Variants in EDNRB observed in about 807,000 individuals in gnomAD.
EDNRB encodes endothelin receptor type B.
EDNRB carries 18 observed loss-of-function variants against 46.4 expected under a neutral mutation model. The observed-to-expected ratio is 0.39, with a 90% confidence interval of 0.27 to 0.57. EDNRB has a LOEUF of 0.57. EDNRB is among the 20% of genes least tolerant of loss of function. EDNRB has a pLI of 0.61. For missense variants in EDNRB, 434 were observed against 537.5 expected (o/e 0.81, Z 1.90); for synonymous variants, 213 against 204.9 (o/e 1.04, Z -0.34).
intron 1 of EDNRB, among the ~76,000 whole-genome samples, chr13:77,949,014 C>T (rs1479761607): frequency 1.3e-5 from 2 of 152,192 alleles, no homozygotes; most frequent in Non-Finnish European, 2.9e-5. Flanking sequence ...ATAATGTCTA[C>T]ACATCTCAAA....
intron 1 of EDNRB, among the ~76,000 whole-genome samples, chr13:77,912,336 A>G (rs1334305746): frequency 6.6e-6 from 1 of 152,070 alleles, no homozygotes; most frequent in Non-Finnish European, 1.5e-5. Flanking sequence ...GGAACCTTGC[A>G]TTGCCCAAGG....
intron 1 of EDNRB, among the ~76,000 whole-genome samples, chr13:77,953,265 C>T (rs1881143863): frequency 6.6e-6 from 1 of 151,938 alleles, no homozygotes; most frequent in Non-Finnish European, 1.5e-5. Flanking sequence ...GAGTAACTGA[C>T]ATTATTAAGT....
chr13:77,970,747 T>C (rs1036187568), intron 1 of EDNRB, among the ~76,000 whole-genome samples: 3 of 149,766 alleles, frequency 2.0e-5, no homozygotes, highest in South Asian at 2.1e-4. Flanking sequence ...ACATACCTTA[T>C]ATAGAATAAA....
upstream of EDNRB, among the ~76,000 whole-genome samples, chr13:77,920,199 G>A (rs1199927857): frequency 6.6e-6 from 1 of 152,126 alleles, no homozygotes; most frequent in Non-Finnish European, 1.5e-5. Context: ...GCTTATCGGA[G>A]ACATGAAAAT....
At chr13:77,965,203 C>G (rs949457129) in intron 1 of EDNRB, among the ~76,000 whole-genome samples, 4 of 152,134 alleles carry the variant, frequency 2.6e-5, no homozygotes, top group African/African-American at 9.7e-5. Context: ...TACACAAACC[C>G]AAATCATTGC....
rs5349 is a variant in EDNRB, at chr13:77,903,530, G to A, written c.561C>T (p.Ile187=). Residue 187 remains isoleucine, a synonymous_variant, in exon 2 of 7, where the codon ATC becomes ATT. Coordinates refer to ENST00000646607, the MANE Select transcript of EDNRB (RefSeq NM_001122659.3). The stretch of plus-strand genomic sequence containing the variant: ...TCAGAGCACATAGACTCAGCACAGT[G>A]ATTCCCACAGAGGCTTTCTGTATGA... ...VPFIQKASVG[I]TVLSLCALSI... is the part of the protein sequence containing the mutation. 7,546 of 1,612,902 alleles carry A rather than the reference G, an allele frequency of 4.7e-3. 64 individuals are homozygous for A. Among genetic ancestry groups the A allele is most frequent in the African/African-American group, 0.03 (2,225 of 74,922 alleles).
chr13:77,929,971 A>G lies in EDNRB; in HGVS notation c.-51-11347T>C, dbSNP rs148698441. On this transcript the variant is annotated intron_variant, in intron 1 of 7. Transcript: ENST00000646948. Reference sequence around the variant, plus strand: ...TATATGTTCTGGTTTCTGGAAGATAATAAGAAGAGAACACCATCAGACCTC... The same window carrying G: ...TATATGTTCTGGTTTCTGGAAGATAGTAAGAAGAGAACACCATCAGACCTC... Among the ~76,000 whole-genome samples, 1,018 of 152,284 alleles carry G rather than the reference A, an allele frequency of 6.7e-3. 8 individuals carry two copies. Among genetic ancestry groups the G allele is most frequent in the African/African-American group, 0.024 (979 of 41,534 alleles).
chr13:77,921,731 G>T (rs1005126821), upstream of EDNRB, among the ~76,000 whole-genome samples: 1 of 152,152 alleles, frequency 6.6e-6, no homozygotes, highest in Non-Finnish European at 1.5e-5. Context: ...GTAAAGAATT[G>T]TTCATTGATC....
intron 1 of EDNRB, among the ~76,000 whole-genome samples, chr13:77,970,588 T>TTTA (rs1317346981): frequency 1.3e-5 from 2 of 152,014 alleles, no homozygotes; most frequent in Non-Finnish European, 2.9e-5. Context: ...TATTATCTTT[T>TTTA]TTATTATTAT....
chr13:77,898,535 GA>G (rs1041050475), intron 6 of EDNRB, among the ~76,000 whole-genome samples: 1 of 151,632 alleles, frequency 6.6e-6, no homozygotes, highest in Non-Finnish European at 1.5e-5. Flanking sequence ...ATGCAGAGAA[GA>G]AAAAAACCTA....
rs532450832 is a variant in EDNRB at position 77,959,674 on chromosome 13, G to T, written c.-52+15673C>A. 2.0e-5 allele frequency among the ~76,000 whole-genome samples: 3 copies of T among 152,342 alleles called. No homozygotes were observed. In the South Asian group the frequency reaches 6.2e-4, roughly 32 times the overall value. On this transcript the variant is annotated intron_variant, in intron 1 of 7. Coordinates refer to the EDNRB transcript ENST00000646948. ...GGAACTCAGCTCTTCGCCAGCAATG[G>T]AACAAAGCTGGATGGAGAATAACTT...
chr13:77,953,335 A>G (rs1172793447), intron 1 of EDNRB, among the ~76,000 whole-genome samples: 1 of 151,788 alleles, frequency 6.6e-6, no homozygotes, highest in Non-Finnish European at 1.5e-5. Flanking sequence ...TTACATATGT[A>G]TACTGTATTT....
At chr13:77,940,712 TG>T (rs1880721113) in intron 1 of EDNRB, among the ~76,000 whole-genome samples, 1 of 26,014 alleles carries the variant, frequency 3.8e-5, no homozygotes, top group African/African-American at 8.3e-5. Context: ...TGTGTGTGTG[TG>T]TGTGTGTGTG....
In EDNRB at chr13:77,896,606, A is replaced by G. The variant is rs1032620417; in HGVS notation, c.*1594T>C. The G allele has an allele frequency of 6.5e-7, 1 of 1,540,100 alleles. No individual in the cohort carries two copies. The highest frequency in any genetic ancestry group is 8.8e-7 in the Non-Finnish European group (1 of 1,142,708). Reference sequence around the variant, plus strand: ...AAAATTTGGGCATATTTTAAGACCGAGTTAAAGCTCTTGGGCCCAATTTAT... The same window carrying G: ...AAAATTTGGGCATATTTTAAGACCGGGTTAAAGCTCTTGGGCCCAATTTAT... On this transcript the variant is annotated 3_prime_UTR_variant, in exon 7 of 7. Coordinates refer to ENST00000646607, the MANE Select transcript of EDNRB (RefSeq NM_001122659.3).
upstream of EDNRB, among the ~76,000 whole-genome samples, chr13:77,920,573 T>G (rs180691273): frequency 3.2e-4 from 48 of 152,346 alleles, no homozygotes; most frequent in Admixed American, 1.2e-3. Flanking sequence ...AGGCAATGCT[T>G]TCTGGGACAG....
Position 77,896,243 on chromosome 13 carries a change from T to G in EDNRB, c.*1957A>C. ...TATCAGGATGTAAAAATTCAGTACA[T>G]GGTAATAAAAATAATCTAAAATTTA... On this transcript the variant is annotated 3_prime_UTR_variant, in exon 7 of 7. Transcript: ENST00000646607. 2.9e-6 allele frequency: 1 copy of G among 342,104 alleles called. No homozygotes were observed. Among genetic ancestry groups the G allele is most frequent in the Non-Finnish European group, 4.6e-6 (1 of 215,290 alleles). The allele number at this position is 342,104 out of a possible 1,614,324, so 21.2% of individuals were successfully genotyped here.
chr13:77,960,071 C>G (rs1427437202), intron 1 of EDNRB, among the ~76,000 whole-genome samples: 1 of 152,134 alleles, frequency 6.6e-6, no homozygotes, highest in Non-Finnish European at 1.5e-5. Context: ...ATTGGTGTAC[C>G]TGAAAGTGAT....
rs190573481 is a variant in EDNRB, at chr13:77,931,483, T to C, written c.-51-12859A>G. ...GAATTACCTGATCCAAGCTTTCCTC[T>C]CAAGGACCTTCTCTGAGGTGGTTTT... On this transcript the variant is annotated intron_variant, in intron 1 of 7. Coordinates refer to the EDNRB transcript ENST00000646948. 2.0e-5 allele frequency among the ~76,000 whole-genome samples: 3 copies of C among 152,298 alleles called. No individual in the cohort carries two copies. The East Asian group carries it at 5.8e-4, about 29-fold the overall frequency.
chr13:77,911,655 A>C (rs1439418772), intron 1 of EDNRB, among the ~76,000 whole-genome samples: 1 of 151,796 alleles, frequency 6.6e-6, no homozygotes, highest in Non-Finnish European at 1.5e-5. Context: ...TTCTCCCTTC[A>C]CGCCTTCTCC....
Sources: allele counts gnomAD v4.1 joint callset (sites outside exome capture counted in the v4.1 genomes callset), GRCh38; gene constraint gnomAD v4.1.1; transcripts MANE v1.5; gene names NCBI Gene and HGNC (gene_info 2026-07-23, HGNC 2026-07-21).